FRYL: variants seen among roughly 807,000 people sequenced by gnomAD.
The protein encoded by FRYL is FRY like transcription coactivator.
FRYL carries 150 observed loss-of-function variants against 351.2 expected under a neutral mutation model. That is an observed-to-expected ratio of 0.43 (90% CI 0.37 to 0.49). FRYL has a LOEUF of 0.49. Among genes scored for constraint, FRYL ranks in the 20% least tolerant of loss-of-function variants. The pLI, the probability that FRYL is intolerant of heterozygous loss-of-function variation, is 0.00. For missense variants in FRYL, 3,036 were observed against 3,619.3 expected (o/e 0.84, Z 4.13); for synonymous variants, 1,153 against 1,257.1 (o/e 0.92, Z 1.75).
intron 7 of FRYL, among the ~76,000 whole-genome samples, chr4:48,615,832 A>G (rs1749312494): frequency 1.3e-5 from 2 of 152,238 alleles, no homozygotes; most frequent in African/African-American, 2.4e-5. Flanking sequence ...CATCAATGAT[A>G]AACTGGAGAA....
At chr4:48,564,824 CT>C in intron 30 of FRYL, 108 bp downstream of exon 30, 1 of 596,930 alleles carries the variant, frequency 1.7e-6, no homozygotes, top group Non-Finnish European at 3.0e-6. Context: ...GCATATGATC[CT>C]AACCTATCTT....
At chr4:48,682,331 C>T (rs1764713195) in intron 3 of FRYL, among the ~76,000 whole-genome samples, 1 of 151,900 alleles carries the variant, frequency 6.6e-6, no homozygotes, top group African/African-American at 2.4e-5. Flanking sequence ...AGAAGAAAAC[C>T]CAGGCAATAC....
chr4:48,691,546 G>A (rs1244859459), intron 2 of FRYL, among the ~76,000 whole-genome samples: 1 of 151,982 alleles, frequency 6.6e-6, no homozygotes, highest in Non-Finnish European at 1.5e-5. Context: ...ATACAATAAG[G>A]ATAATAAAAT....
intron 59 of FRYL, chr4:48,506,647 TATATATATATATATATATATATGA>T (rs1470030011): frequency 1.3e-5 from 1 of 75,520 alleles, no homozygotes; most frequent in Non-Finnish European, 3.4e-5. Context: ...TATATATATA[TATATATATATATATATATATATGA>T]AATCATTAGG....
chr4:48,631,525 T>C (rs1578431409), intron 4 of FRYL, among the ~76,000 whole-genome samples: 1 of 152,042 alleles, frequency 6.6e-6, no homozygotes, highest in East Asian at 1.9e-4. Flanking sequence ...AAAATACTAA[T>C]ATTTAACAAA....
chr4:48,582,791 T>G, intron 19 of FRYL, 57 bp from the exon 20 acceptor site: 1 of 1,146,772 alleles, frequency 8.7e-7, no homozygotes, highest in Non-Finnish European at 1.3e-6. Flanking sequence ...AGTTTTATCA[T>G]CTGAAACTTA....
rs201736196 is a variant in FRYL, at chr4:48,596,190, CCTTT to C, written c.1036-194_1036-191del. On this transcript the variant is annotated intron_variant, in intron 13 of 63. Coordinates refer to ENST00000358350, the MANE Select transcript of FRYL (RefSeq NM_015030.2). ...GTAACCATAAATTTGGAAATTGAGC[CCTTT>C]CTTACACTTTCAAAATGCTAAAATT... Among the ~76,000 whole-genome samples the C allele has an allele frequency of 8.3e-3, 1,258 of 151,578 alleles. 17 individuals carry two copies. The highest frequency in any genetic ancestry group is 0.013 in the Non-Finnish European group (892 of 67,818).
At chr4:48,775,036 G>A (rs1377207751) in intron 1 of FRYL, among the ~76,000 whole-genome samples, 1 of 152,104 alleles carries the variant, frequency 6.6e-6, no homozygotes, top group Non-Finnish European at 1.5e-5. Flanking sequence ...AAAGTATAAG[G>A]AAAGACACAA....
At chr4:48,503,606 A>T (rs1210347629) in intron 60 of FRYL, among the ~76,000 whole-genome samples, 1 of 152,242 alleles carries the variant, frequency 6.6e-6, no homozygotes, top group Non-Finnish European at 1.5e-5. Flanking sequence ...AATGACTTCT[A>T]ACTAAAACAA....
intron 49 of FRYL, among the ~76,000 whole-genome samples, chr4:48,531,918 GT>G (rs894629107): frequency 4.6e-5 from 7 of 150,616 alleles, no homozygotes; most frequent in East Asian, 3.9e-4. Context: ...GTAGGGTGAG[GT>G]TTTTTTTTCT....
At chr4:48,596,155 T>A (rs1317758804) in intron 13 of FRYL, among the ~76,000 whole-genome samples, 155 bp from the exon 14 acceptor site, 1 of 152,164 alleles carries the variant, frequency 6.6e-6, no homozygotes, top group Non-Finnish European at 1.5e-5. Context: ...GGTAAATATA[T>A]GGCTCAAAAG....
chr4:48,562,218 A>G lies in FRYL; in HGVS notation c.3697-582T>C, dbSNP rs1407840216. On this transcript the variant is annotated intron_variant, in intron 32 of 63. Transcript: ENST00000358350. Reference sequence around the variant, plus strand: ...AATATATGCATAAGTGAAAAAAAAAAACCCTTCAAGGAGGACCTTTCGACA... The same window carrying G: ...AATATATGCATAAGTGAAAAAAAAAGACCCTTCAAGGAGGACCTTTCGACA... Among the ~76,000 whole-genome samples the G allele has an allele frequency of 2.0e-5, 3 of 152,258 alleles. No homozygotes were observed. The East Asian group carries it at 5.8e-4, about 29-fold the overall frequency.
chr4:48,706,965 AT>A (rs1488403700), intron 2 of FRYL, among the ~76,000 whole-genome samples: 4 of 152,108 alleles, frequency 2.6e-5, no homozygotes, highest in Admixed American at 6.6e-5. Context: ...AGATACTTGG[AT>A]TGCTGCTTTA....
In FRYL at chr4:48,581,580, T is replaced by C. The variant is rs745564952; in HGVS notation, c.2012A>G (p.His671Arg). Reference protein sequence around the residue: ...TQHGVANGASHPPPLERSPYS... With the variant: ...TQHGVANGASRPPPLERSPYS... ...TGGGCTCCTTTCCAGAGGAGGGGGA[T>C]GAGAAGCTCCATTAGCTACACCATG... is the stretch of plus-strand genomic sequence containing the variant. Residue 671 changes from histidine to arginine, a missense_variant, in exon 21 of 64, where the codon CAT (histidine) becomes CGT (arginine). By Grantham distance (29) the His-to-Arg change is conservative. Around this residue, in one of 7 missense-constraint regions of FRYL, gnomAD observed 492 missense variants for 551.5 expected, o/e 0.89. Coordinates refer to ENST00000358350, the MANE Select transcript of FRYL (RefSeq NM_015030.2). The C allele has an allele frequency of 1.2e-6, 2 of 1,611,760 alleles. No homozygotes were observed. The highest frequency in any genetic ancestry group is 8.5e-7 in the Non-Finnish European group (1 of 1,179,138).
chr4:48,722,590 T>A (rs1295836331), intron 1 of FRYL, among the ~76,000 whole-genome samples: 3 of 152,210 alleles, frequency 2.0e-5, no homozygotes, highest in Non-Finnish European at 4.4e-5. Flanking sequence ...ATTAACTTAT[T>A]GTTTTCATAA....
At position 48,535,684 on chromosome 4, in the gene FRYL, T is replaced by C; in HGVS notation, c.6537A>G (p.Thr2179=). ...RYLHDSFSDT[T]FNLVTYLAEL... The stretch of plus-strand genomic sequence containing the variant: ...CTGCAAGATAAGTCACAAGATTAAA[T>C]GTTGTATCTGAGAAGGAGTCATGCA... Residue 2179 remains threonine (T), a synonymous_variant, in exon 48 of 64, where the codon ACA becomes ACG. Transcript: ENST00000358350. The C allele has an allele frequency of 6.3e-7, 1 of 1,588,556 alleles. No homozygotes were observed. The highest frequency in any genetic ancestry group is 8.5e-7 in the Non-Finnish European group (1 of 1,170,656).
At chr4:48,752,497 T>C (rs1773350281) in intron 1 of FRYL, among the ~76,000 whole-genome samples, 1 of 152,246 alleles carries the variant, frequency 6.6e-6, no homozygotes, top group Non-Finnish European at 1.5e-5. Flanking sequence ...CAATTAACAA[T>C]GAATGTTACA....
chr4:48,581,313 T>G (rs1578211753), intron 21 of FRYL, 107 bp downstream of exon 21: 1 of 894,940 alleles, frequency 1.1e-6, no homozygotes, highest in Non-Finnish European at 1.7e-6. Context: ...GAACGGTAGG[T>G]TAGTTTAGAC....
intron 2 of FRYL, among the ~76,000 whole-genome samples, chr4:48,693,173 G>T (rs1390651138): frequency 6.6e-6 from 1 of 152,008 alleles, no homozygotes; most frequent in African/African-American, 2.4e-5. Context: ...TTGCTTGTCG[G>T]TATTTCTTTT....
Sources: gnomAD v4.1 joint callset for allele counts (sites outside exome capture counted in the v4.1 genomes callset) on GRCh38, gnomAD v4.1.1 for gene constraint, gnomAD v4.1.1 regional missense constraint, MANE v1.5 for transcripts, NCBI Gene and HGNC (gene_info 2026-07-23, HGNC 2026-07-21) for gene names.